Variants in MAGT1 observed in about 807,000 individuals in gnomAD.
The protein encoded by MAGT1 is dolichyl-diphosphooligosaccharide--protein glycosyltransferase subunit MAGT1.
A neutral mutation model predicts 28.4 loss-of-function variants in MAGT1; 4 were observed. The observed-to-expected ratio is 0.14, with a 90% confidence interval of 0.07 to 0.32. The LOEUF is 0.32. MAGT1 is among the 10% of genes least tolerant of loss of function. The probability of loss-of-function intolerance (pLI) is 1.00; values close to 1 mark genes in which losing one functional copy is unlikely to be tolerated. For missense variants in MAGT1, 193 were observed against 264.5 expected (o/e 0.73, Z 1.88); for synonymous variants, 89 against 89.7 (o/e 0.99, Z 0.04).
At chrX:77,884,623 T>A (rs1454632861) in intron 1 of MAGT1, among the ~76,000 whole-genome samples, 3 of 109,215 alleles carry the variant, frequency 2.7e-5, no homozygotes, top group Non-Finnish European at 5.7e-5. Flanking sequence ...TTGTGAGGAG[T>A]GATCCTGTCA....
At chrX:77,890,198 A>C (rs2149029941) in intron 1 of MAGT1, among the ~76,000 whole-genome samples, 1 of 112,082 alleles carries the variant, frequency 8.9e-6, no homozygotes. Flanking sequence ...AATTCTTCAT[A>C]TTTTCACCTT....
chrX:77,880,545 A>C (rs2077048941), intron 1 of MAGT1, among the ~76,000 whole-genome samples: 1 of 110,617 alleles, frequency 9.0e-6, no homozygotes. Flanking sequence ...AACAAAAAAA[A>C]CATTAGTTTT....
intron 1 of MAGT1, among the ~76,000 whole-genome samples, chrX:77,891,782 A>T (rs782283610): frequency 9.0e-6 from 1 of 111,619 alleles, no homozygotes; most frequent in East Asian, 2.8e-4. Flanking sequence ...ATTTTTAAAA[A>T]TTTAAAAAGA....
intron 7 of MAGT1, among the ~76,000 whole-genome samples, chrX:77,849,119 C>G (rs2076960133): frequency 1.9e-5 from 2 of 108,050 alleles, no homozygotes; most frequent in African/African-American, 6.8e-5. Flanking sequence ...CTCTATCAGC[C>G]AGGCTGGAGC....
At chrX:77,843,302 T>C (rs2149013269) in intron 7 of MAGT1, among the ~76,000 whole-genome samples, 1 of 111,735 alleles carries the variant, frequency 8.9e-6, no homozygotes, top group East Asian at 2.8e-4. Context: ...AATGGCATAA[T>C]CACAACTCAC....
At chrX:77,871,061 T>A in intron 2 of MAGT1, 136 bp from the exon 3 acceptor site, 1 of 517,050 alleles carries the variant, frequency 1.9e-6, no homozygotes, top group Non-Finnish European at 3.5e-6. Flanking sequence ...CACTGACAAG[T>A]AGGTCAGACT....
chrX:77,872,527 TTAC>T (rs1329434289), intron 2 of MAGT1, among the ~76,000 whole-genome samples: 1 of 112,050 alleles, frequency 8.9e-6, no homozygotes, highest in African/African-American at 3.2e-5. Context: ...TTATCTAGTC[TTAC>T]TACTAATCAA....
chrX:77,890,618 G>A (rs1430013832), intron 1 of MAGT1, among the ~76,000 whole-genome samples: 2 of 111,732 alleles, frequency 1.8e-5, no homozygotes, highest in African/African-American at 6.5e-5. Flanking sequence ...TCCAATGATA[G>A]CCTGCCTTGT....
chrX:77,895,395 G>A lies in MAGT1; in HGVS notation c.16C>T (p.Arg6Trp), dbSNP rs140854076. 2.6e-3 allele frequency: 3,123 copies of A among 1,210,302 alleles called. 5 individuals carry two copies. Among genetic ancestry groups the A allele is most frequent in the South Asian group, 8.5e-3 (483 of 56,812 alleles). MAARW[R>W]FWCVSVTMVV... ...ATGGTCACAGAGACACACCAAAACCGCCAACGCGCTGCCATGTTCGCTCCT... is the reference window on the plus strand; with the variant it reads ...ATGGTCACAGAGACACACCAAAACCACCAACGCGCTGCCATGTTCGCTCCT... The change falls in exon 1 of 10, where the codon CGG becomes TGG. Residue 6 changes from arginine to tryptophan, a missense_variant. Coordinates refer to ENST00000618282, the MANE Select transcript of MAGT1 (RefSeq NM_001367916.1).
intron 1 of MAGT1, among the ~76,000 whole-genome samples, chrX:77,881,120 TTTA>T (rs2077051057): frequency 9.0e-6 from 1 of 110,907 alleles, no homozygotes. Flanking sequence ...ACAGATCAAA[TTTA>T]TTGTTTTTCC....
chrX:77,844,216 A>G (rs1412874388), intron 7 of MAGT1, among the ~76,000 whole-genome samples: 3 of 111,199 alleles, frequency 2.7e-5, no homozygotes, highest in African/African-American at 6.6e-5. Flanking sequence ...TTTCTTCTAG[A>G]TTTTCTAGTT....
chrX:77,856,996 T>A, intron 4 of MAGT1, 123 bp from the exon 5 acceptor site: 2 of 633,270 alleles, frequency 3.2e-6, no homozygotes, highest in Non-Finnish European at 2.5e-6. Context: ...AAAATGATCC[T>A]TTTTATGTTA....
intron 1 of MAGT1, among the ~76,000 whole-genome samples, chrX:77,888,222 G>T (rs1265645429): frequency 8.9e-6 from 1 of 111,775 alleles, no homozygotes; most frequent in African/African-American, 3.2e-5. Flanking sequence ...AAAACACATT[G>T]AATTTACAAG....
In MAGT1 at chrX:77,829,193, C is replaced by T; in HGVS notation, c.*27G>A. 1 of 1,180,843 alleles carries T rather than the reference C, an allele frequency of 8.5e-7. No individual in the cohort carries two copies. The highest frequency in any genetic ancestry group is 1.8e-5 in the South Asian group (1 of 55,663). On this transcript the variant is annotated 3_prime_UTR_variant, in exon 10 of 10. Coordinates refer to ENST00000618282, the MANE Select transcript of MAGT1 (RefSeq NM_001367916.1). ...TTTCGTTTTTCAATTTCCAGTACTC[C>T]AGTGTCTATATATCTCTGGGACCTT...
chrX:77,862,054 A>G (rs781948268), intron 3 of MAGT1, among the ~76,000 whole-genome samples: 132 of 111,673 alleles, frequency 1.2e-3, no homozygotes, highest in Middle Eastern at 4.6e-3. Flanking sequence ...TATTATATAT[A>G]TTTACAAAAC....
chrX:77,888,032 A>G (rs2077072192), intron 1 of MAGT1, among the ~76,000 whole-genome samples: 2 of 111,075 alleles, frequency 1.8e-5, no homozygotes, highest in Admixed American at 1.9e-4. Context: ...CTGGTCTCAA[A>G]CTCTTGACCT....
chrX:77,874,133 T>G (rs1309781826), intron 2 of MAGT1, among the ~76,000 whole-genome samples: 1 of 107,998 alleles, frequency 9.3e-6, no homozygotes, highest in East Asian at 3.0e-4. Flanking sequence ...TACAGGCACA[T>G]CACCACACCC....
intron 7 of MAGT1, among the ~76,000 whole-genome samples, chrX:77,845,423 G>A (rs2076948468): frequency 9.0e-6 from 1 of 111,490 alleles, no homozygotes; most frequent in Non-Finnish European, 1.9e-5. Flanking sequence ...TTTAATTGGA[G>A]CATTTAGCCC....
chrX:77,851,310 G>A (rs2076967379), intron 7 of MAGT1, among the ~76,000 whole-genome samples: 1 of 110,496 alleles, frequency 9.1e-6, no homozygotes, highest in Non-Finnish European at 1.9e-5. Flanking sequence ...CTACCTCCTG[G>A]GTTCAAGCGA....
Sources: allele counts gnomAD v4.1 joint callset (sites outside exome capture counted in the v4.1 genomes callset), GRCh38; gene constraint gnomAD v4.1.1; transcripts MANE v1.5; gene names NCBI Gene and HGNC (gene_info 2026-07-23, HGNC 2026-07-21).